TBC1D9B: variants seen among roughly 807,000 people sequenced by gnomAD.
The protein encoded by TBC1D9B is TBC1 domain family, member 9B (with GRAM domain).
Under a neutral mutation model 121.1 loss-of-function variants are expected in TBC1D9B, and 87 were observed. The ratio of observed to expected loss-of-function variants is 0.72; its 90% CI spans 0.60 to 0.86. The LOEUF (loss-of-function observed/expected upper bound fraction) is 0.86. Among genes scored for constraint, TBC1D9B ranks in the 40% least tolerant of loss-of-function variants. The pLI, the probability that TBC1D9B is intolerant of heterozygous loss-of-function variation, is 0.00. For missense variants in TBC1D9B, 1,540 were observed against 1,628.6 expected, an observed-to-expected ratio of 0.95 and a Z score of 0.94; for synonymous variants, 668 against 670.1, an observed-to-expected ratio of 1.00 and a Z score of 0.05.
At chr5:179,901,657 C>T (rs960845346) in intron 2 of TBC1D9B, among the ~76,000 whole-genome samples, 1 of 152,120 alleles carries the variant, frequency 6.6e-6, no homozygotes, top group Non-Finnish European at 1.5e-5. Flanking sequence ...GGCCTGCAGT[C>T]CCAGCTAGTC....
Position 179,862,447 on chromosome 5 carries a change from C to G in TBC1D9B, c.*1001G>C. The G allele has an allele frequency of 2.4e-6, 1 of 412,238 alleles. No individual in the cohort carries two copies. Among genetic ancestry groups the G allele is most frequent in the South Asian group, 1.6e-5 (1 of 61,134 alleles). 25.5% of individuals were successfully genotyped at this position (412,238 alleles called of 1,614,324 possible). A position where few individuals can be genotyped will look rare whatever the true frequency, so the allele number is the denominator to read the frequency against. Reference sequence around the variant, plus strand: ...GAACCCAAGGGCAGACAGCTTGCTACAGCCCAGGCCTGAGGATGCACTTCC... The same window carrying G: ...GAACCCAAGGGCAGACAGCTTGCTAGAGCCCAGGCCTGAGGATGCACTTCC... On this transcript the variant is annotated 3_prime_UTR_variant, in exon 21 of 21. Coordinates refer to ENST00000355235, the MANE Select transcript of TBC1D9B (RefSeq NM_015043.4).
intron 10 of TBC1D9B, among the ~76,000 whole-genome samples, chr5:179,876,719 C>T (rs186083041): frequency 6.6e-6 from 1 of 152,250 alleles, no homozygotes; most frequent in East Asian, 1.9e-4. Context: ...TTGTGAACTG[C>T]TGGTGGGAAT....
rs1167381787 is a variant in TBC1D9B at position 179,863,809 on chromosome 5, C to A, written c.3341G>T (p.Gly1114Val). 35 of 1,613,464 alleles carry A rather than the reference C, an allele frequency of 2.2e-5. No individual in the cohort carries two copies. Among genetic ancestry groups the A allele is most frequent in the Non-Finnish European group, 2.9e-5 (34 of 1,179,934 alleles). Residue 1114 changes from glycine to valine, a missense_variant, in exon 21 of 21, where the codon GGC (glycine) becomes GTC (valine). Coordinates refer to ENST00000355235, the MANE Select transcript of TBC1D9B (RefSeq NM_015043.4). The surrounding 1 kb of genome is among the most constrained non-coding windows in gnomAD (Gnocchi z 4.5). ...PQESQVVVEG[G>V]SGEGQGSPSQ... ...GGGTGAGCCCTGTCCCTCGCCGCTG[C>A]CCCCCTCCACCACCACCTGGCTCTC...
At chr5:179,876,643 T>C (rs1760368108) in intron 10 of TBC1D9B, among the ~76,000 whole-genome samples, 2 of 152,208 alleles carry the variant, frequency 1.3e-5, no homozygotes, top group South Asian at 4.1e-4. Flanking sequence ...GATACCCTCA[T>C]GCCCATCACT....
chr5:179,894,466 T>A lies in TBC1D9B; in HGVS notation c.497A>T (p.Lys166Met). 6.2e-7 allele frequency: 1 copy of A among 1,614,188 alleles called. No homozygotes were observed. Among genetic ancestry groups the A allele is most frequent in the Non-Finnish European group, 8.5e-7 (1 of 1,180,008 alleles). ...CCAGCCCTGCCGGGGCACGCGGCCC[T>A]TCCAGTAGCTGCAGGAGTAGTAATT... is the stretch of plus-strand genomic sequence containing the variant. Reference protein sequence around the residue: ...LVNYYSCSYWKGRVPRQGWLY... With the variant: ...LVNYYSCSYWMGRVPRQGWLY... The change falls in exon 4 of 21, where the codon AAG (lysine) becomes ATG (methionine). Residue 166 changes from lysine to methionine, a missense_variant. Physicochemically the swap from Lys to Met is moderately conservative, Grantham distance 95. Coordinates refer to ENST00000355235, the MANE Select transcript of TBC1D9B (RefSeq NM_015043.4).
intron 18 of TBC1D9B, chr5:179,867,364 A>T: frequency 6.9e-7 from 1 of 1,438,968 alleles, no homozygotes; most frequent in Non-Finnish European, 9.3e-7. Flanking sequence ...GGTCCCTGGG[A>T]CAAAGAGCTT....
intron 4 of TBC1D9B, among the ~76,000 whole-genome samples, chr5:179,893,709 A>C (rs1582099014): frequency 6.6e-6 from 1 of 151,718 alleles, no homozygotes; most frequent in East Asian, 1.9e-4. Flanking sequence ...GCTGAAGGGG[A>C]AAGGAACGAA....
intron 14 of TBC1D9B, chr5:179,871,805 G>T (rs269465): frequency 6.3e-5 from 19 of 300,400 alleles, no homozygotes; most frequent in South Asian, 4.1e-4. Context: ...CAGGATGGGC[G>T]TGGGGGAGCC....
At chr5:179,900,478 T>G (rs1048001419) in intron 2 of TBC1D9B, among the ~76,000 whole-genome samples, 7 of 152,076 alleles carry the variant, frequency 4.6e-5, no homozygotes, top group Non-Finnish European at 7.4e-5. Context: ...CCACCAGGCA[T>G]GAAGACAGCC....
In TBC1D9B at chr5:179,893,163, G is replaced by A. The variant is rs373747704; in HGVS notation, c.836+46C>T. The A allele has an allele frequency of 2.4e-5, 38 of 1,553,100 alleles. No individual in the cohort carries two copies. In the South Asian group the frequency reaches 3.1e-4, roughly 13 times the overall value. On this transcript the variant is annotated intron_variant, in intron 5 of 20. Coordinates refer to ENST00000355235, the MANE Select transcript of TBC1D9B (RefSeq NM_015043.4). ...CAGGCAGGTCCCAGCCAAGGTCAGC[G>A]AACCTGGCTCACATGAGCCCACCCC... is the stretch of plus-strand genomic sequence containing the variant.
At chr5:179,892,876 C>G (rs1182289579) in intron 5 of TBC1D9B, among the ~76,000 whole-genome samples, 1 of 152,196 alleles carries the variant, frequency 6.6e-6, no homozygotes, top group Admixed American at 6.5e-5. Context: ...CGAGGGACTT[C>G]AGGCAAGTTA....
intron 7 of TBC1D9B, among the ~76,000 whole-genome samples, chr5:179,886,891 G>C (rs1760701774): frequency 6.6e-6 from 1 of 152,202 alleles, no homozygotes; most frequent in South Asian, 2.1e-4. Context: ...TCGTGCCCAG[G>C]GACTCTCAGG....
At chr5:179,872,569 C>T (rs1309579150) in intron 14 of TBC1D9B, 1 of 361,258 alleles carries the variant, frequency 2.8e-6, no homozygotes, top group Middle Eastern at 7.7e-4. Context: ...CGGCATGTTG[C>T]TACCTGGGAG....
Position 179,870,274 on chromosome 5 carries a change from CTTGAAG to C in TBC1D9B, c.2700_2705del (p.Asn900_Phe901del), listed in dbSNP as rs1425395976. The C allele has an allele frequency of 9.3e-6, 15 of 1,613,774 alleles. No homozygotes were observed. The highest frequency in any genetic ancestry group is 5.0e-5 in the Admixed American group (3 of 60,006). On this transcript the variant is annotated inframe_deletion, in exon 16 of 21. Transcript: ENST00000355235. ...ACTCACTCATCCCTGTCACGAACTC[CTTGAAG>C]TTGATCAGCGAGTCCTTGTTTTCGT...
chr5:179,907,596 C>T lies in TBC1D9B; in HGVS notation c.118+108G>A. Reference sequence around the variant, plus strand: ...CGCGCGCTGGCGTGCGTGTCCGCCGCGACGCGCCGAGGCCGGGCCGGAACC... The same window carrying T: ...CGCGCGCTGGCGTGCGTGTCCGCCGTGACGCGCCGAGGCCGGGCCGGAACC... On this transcript the variant is annotated intron_variant, in intron 1 of 20. Coordinates refer to ENST00000355235, the MANE Select transcript of TBC1D9B (RefSeq NM_015043.4). The surrounding 1 kb of genome is among the most constrained non-coding windows in gnomAD (Gnocchi z 5.3). The T allele has an allele frequency of 1.8e-6, 1 of 547,884 alleles. No homozygotes were observed. Among genetic ancestry groups the T allele is most frequent in the Non-Finnish European group, 2.3e-6 (1 of 432,706 alleles). 33.9% of individuals were successfully genotyped at this position (547,884 alleles called of 1,614,324 possible). A position where few individuals can be genotyped will look rare whatever the true frequency, so the allele number is the denominator to read the frequency against.
In TBC1D9B at chr5:179,890,415, G is replaced by A. The variant is rs1053559492; in HGVS notation, c.1044+964C>T. 5.9e-5 allele frequency among the ~76,000 whole-genome samples: 9 copies of A among 152,208 alleles called. No individual in the cohort carries two copies. The highest frequency in any genetic ancestry group is 1.9e-4 in the African/African-American group (8 of 41,454). Reference sequence around the variant, plus strand: ...GGAAGACCCCTAGGCCTGGGGGACAGGTCAGTACAGTGCCCCGGACAGATC... The same window carrying A: ...GGAAGACCCCTAGGCCTGGGGGACAAGTCAGTACAGTGCCCCGGACAGATC... On this transcript the variant is annotated intron_variant, in intron 6 of 20. Coordinates refer to ENST00000355235, the MANE Select transcript of TBC1D9B (RefSeq NM_015043.4). This position sits in a 1 kb window ranked among gnomAD's most constrained non-coding sequence, Gnocchi z 5.0.
rs146622388 is a variant in TBC1D9B at position 179,865,692 on chromosome 5, A to T, written c.2914+146T>A. On this transcript the variant is annotated intron_variant, in intron 19 of 20. Coordinates refer to ENST00000355235, the MANE Select transcript of TBC1D9B (RefSeq NM_015043.4). The surrounding 1 kb of genome is among the most constrained non-coding windows in gnomAD (Gnocchi z 5.1). ...GTGGAGAGCGTGGAGCCTCCTGTGCATCCCGAGGCCTGCTCCCTGATCGGG... is the reference window on the plus strand; with the variant it reads ...GTGGAGAGCGTGGAGCCTCCTGTGCTTCCCGAGGCCTGCTCCCTGATCGGG... 8.7e-6 allele frequency: 8 copies of T among 918,524 alleles called. No individual in the cohort carries two copies. In the East Asian group the frequency reaches 2.0e-4, roughly 23 times the overall value. 56.9% of individuals were successfully genotyped at this position (918,524 alleles called of 1,614,324 possible). A position where few individuals can be genotyped will look rare whatever the true frequency, so the allele number is the denominator to read the frequency against.
chr5:179,896,099 T>C (rs1476917945), intron 3 of TBC1D9B, among the ~76,000 whole-genome samples: 1 of 152,196 alleles, frequency 6.6e-6, no homozygotes, highest in African/African-American at 2.4e-5. Flanking sequence ...CACAGTTTCC[T>C]GCCCTTGGAA....
chr5:179,878,298 A>G lies in TBC1D9B; in HGVS notation c.1782+11T>C. ...CAGATGCTGTCTCTGGGCCCCTGTC[A>G]GGCCCCTTACCTGGCAGTAGCCGAT... On this transcript the variant is annotated intron_variant, in intron 10 of 20. Transcript: ENST00000355235. 2 of 1,607,442 alleles carry G rather than the reference A, an allele frequency of 1.2e-6. No individual in the cohort carries two copies. Among genetic ancestry groups the G allele is most frequent in the Non-Finnish European group, 1.7e-6 (2 of 1,177,808 alleles).
Sources: allele counts gnomAD v4.1 joint callset (sites outside exome capture counted in the v4.1 genomes callset), GRCh38; gene constraint gnomAD v4.1.1; non-coding constraint Gnocchi (gnomAD v3.1); transcripts MANE v1.5; gene names NCBI Gene and HGNC (gene_info 2026-07-23, HGNC 2026-07-21).